PROSER3: variants seen among roughly 807,000 people sequenced by gnomAD.
PROSER3 encodes proline and serine rich 3, also known as proline and serine-rich protein 3.
Under a neutral mutation model 50.2 loss-of-function variants are expected in PROSER3, and 33 were observed. The observed-to-expected ratio is 0.66, with a 90% confidence interval of 0.50 to 0.88. The LOEUF (loss-of-function observed/expected upper bound fraction) is 0.88, where lower values mean the gene tolerates loss of function less well. Ranked by LOEUF, PROSER3 falls within the 40% of genes least tolerant of loss-of-function variation. The probability of loss-of-function intolerance (pLI) is 0.00; values close to 1 mark genes in which losing one functional copy is unlikely to be tolerated. For synonymous variants in PROSER3, 266 were observed against 259.3 expected (o/e 1.03, Z -0.25); for missense variants, 623 against 612.7 (o/e 1.02, Z -0.18).
chr19:35,768,274 G>T (rs1296486738), intron 10 of PROSER3, 38 bp downstream of exon 10: 2 of 1,595,310 alleles, frequency 1.3e-6, no homozygotes, highest in Non-Finnish European at 8.5e-7. Context: ...ATGACACTGG[G>T]CCCCGGAGAC....
At chr19:35,767,734 G>T in intron 8 of PROSER3, 1 of 1,537,808 alleles carries the variant, frequency 6.5e-7, no homozygotes, top group Non-Finnish European at 8.8e-7. Context: ...CTGGATCTCC[G>T]AAAGTCCAGG....
At position 35,764,933 on chromosome 19, in the gene PROSER3, G is replaced by T. The variant is rs748855164; in HGVS notation, c.623G>T (p.Arg208Leu). 19 of 1,613,544 alleles carry T rather than the reference G, an allele frequency of 1.2e-5. No homozygotes were observed. The South Asian group carries it at 2.0e-4, about 17-fold the overall frequency. The change falls in exon 6 of 11, where the codon CGC (arginine) becomes CTC (leucine). Residue 208 changes from arginine (R) to leucine (L), a missense_variant. Arg to Leu is a moderately radical substitution (Grantham distance 102). Transcript: ENST00000396908. The stretch of plus-strand genomic sequence containing the variant: ...AGCAGAGCTGCCAGGCTGCTCAAAC[G>T]CAGGTGCCCGCACCCCTGCCCCCAT...
chr19:35,770,030 T>A (rs1971291522), downstream of PROSER3, among the ~76,000 whole-genome samples: 1 of 151,950 alleles, frequency 6.6e-6, no homozygotes, highest in African/African-American at 2.4e-5. Context: ...TCAGCCTCCC[T>A]AGTAGCTGGG....
downstream of PROSER3, chr19:35,769,727 C>CTTTAT (rs1328587946): frequency 6.6e-6 from 1 of 152,246 alleles, no homozygotes; most frequent in Non-Finnish European, 1.5e-5. Context: ...CCATCTCCGC[C>CTTTAT]TTTATTTTAT....
At chr19:35,762,049 C>A in exon 4 of PROSER3, 1 of 1,610,438 alleles carries the variant, frequency 6.2e-7, no homozygotes, top group Non-Finnish European at 8.5e-7. Context: ...AGGCTCAGCC[C>A]ACCAGTCGAG....
chr19:35,768,723 G>A (rs1220697726), exon 11 of PROSER3: 34 of 609,036 alleles, frequency 5.6e-5, no homozygotes, highest in East Asian at 1.0e-4. Context: ...TCCTGACCAC[G>A]GAAACAAGAT....
intron 8 of PROSER3, chr19:35,767,487 TC>T: frequency 2.8e-6 from 1 of 355,882 alleles, no homozygotes. Flanking sequence ...TCCCCAGCTG[TC>T]CCCCAGGGCC....
chr19:35,758,256 A>G (rs778818381), intron 1 of PROSER3, 30 bp downstream of exon 1: 46 of 1,560,340 alleles, frequency 2.9e-5, no homozygotes, highest in Non-Finnish European at 4.0e-5. Context: ...CAGGGACTAC[A>G]GGAGGCTGGG....
At chr19:35,759,517 A>C in intron 2 of PROSER3, 47 bp downstream of exon 2, 1 of 1,505,408 alleles carries the variant, frequency 6.6e-7, no homozygotes, top group South Asian at 1.2e-5. Flanking sequence ...CAGTAGCAAG[A>C]GAATGACCTT....
intron 2 of PROSER3, 46 bp downstream of exon 2, chr19:35,759,516 G>A (rs936455880): frequency 4.0e-6 from 6 of 1,507,838 alleles, no homozygotes; most frequent in South Asian, 1.2e-5. Context: ...CCAGTAGCAA[G>A]AGAATGACCT....
chr19:35,768,388 C>A lies in PROSER3; in HGVS notation c.1302-16C>A, dbSNP rs768332673. The A allele has an allele frequency of 6.3e-7, 1 of 1,593,236 alleles. No homozygotes were observed. Among genetic ancestry groups the A allele is most frequent in the African/African-American group, 1.3e-5 (1 of 74,734 alleles). ...GAGCACATACCCCAGCCTCTGCTCTCCCGGCCTTTCTCCAGGGAAGCGGAT... is the reference window on the plus strand; with the variant it reads ...GAGCACATACCCCAGCCTCTGCTCTACCGGCCTTTCTCCAGGGAAGCGGAT... On this transcript the variant is annotated splice_polypyrimidine_tract_variant and intron_variant, in intron 10 of 10. Coordinates refer to ENST00000396908, the Ensembl canonical transcript of PROSER3.
exon 7 of PROSER3, chr19:35,765,115 C>G: frequency 6.2e-7 from 1 of 1,613,996 alleles, no homozygotes; most frequent in Non-Finnish European, 8.5e-7. Flanking sequence ...CTGATGGCCT[C>G]TCTCCCTTCT....
rs1568411823 is a variant in PROSER3 at position 35,765,018 on chromosome 19, T to C, written c.627-16T>C. ...CTCGAGACCTCCATTGCCTCACTCCTGCCTTCTCCCTGCAGCAAAGCCTCC... is the reference window on the plus strand; with the variant it reads ...CTCGAGACCTCCATTGCCTCACTCCCGCCTTCTCCCTGCAGCAAAGCCTCC... On this transcript the variant is annotated splice_polypyrimidine_tract_variant and intron_variant, in intron 6 of 10. Coordinates refer to ENST00000396908, the Ensembl canonical transcript of PROSER3. 2 of 1,613,232 alleles carry C rather than the reference T, an allele frequency of 1.2e-6. No homozygotes were observed.
exon 10 of PROSER3, chr19:35,768,234 A>G (rs750288330): frequency 1.2e-6 from 2 of 1,611,358 alleles, no homozygotes; most frequent in African/African-American, 1.3e-5. Flanking sequence ...GTCGGCAGAA[A>G]AGGTGACCGA....
At chr19:35,765,156 G>T in exon 7 of PROSER3, 1 of 1,613,564 alleles carries the variant, frequency 6.2e-7, no homozygotes. Flanking sequence ...TCCAGCAAGG[G>T]CCTTGGCCCC....
intron 3 of PROSER3, among the ~76,000 whole-genome samples, chr19:35,760,637 C>G (rs1039921950): frequency 2.0e-5 from 3 of 152,122 alleles, no homozygotes; most frequent in East Asian, 3.8e-4. Flanking sequence ...AGGTGCCCAC[C>G]ACCACACCTG....
chr19:35,759,909 T>G (rs1970900744), exon 3 of PROSER3: 3 of 1,603,406 alleles, frequency 1.9e-6, no homozygotes, highest in African/African-American at 2.7e-5. Context: ...AGGGACCCCC[T>G]CCCTGCCCAG....
intron 4 of PROSER3, 22 bp downstream of exon 4, chr19:35,762,168 A>T: frequency 6.3e-7 from 1 of 1,589,720 alleles, no homozygotes. Flanking sequence ...AGTGCCATCC[A>T]CTACTCCCAC....
Position 35,766,414 on chromosome 19 carries a change from C to T in PROSER3, c.770-354C>T, listed in dbSNP as rs569071510. The stretch of plus-strand genomic sequence containing the variant: ...AATAAAAATTACCCCCGTGTGGTGG[C>T]ACACGCCTTTTGTCCCAGCTACTCA... On this transcript the variant is annotated intron_variant, in intron 7 of 10. Coordinates refer to ENST00000396908, the Ensembl canonical transcript of PROSER3. 2.0e-5 allele frequency among the ~76,000 whole-genome samples: 3 copies of T among 152,204 alleles called. No individual in the cohort carries two copies. The South Asian group carries it at 6.2e-4, about 32-fold the overall frequency.
Sources: gnomAD v4.1 joint callset for allele counts (sites outside exome capture counted in the v4.1 genomes callset) on GRCh38, gnomAD v4.1.1 for gene constraint, MANE v1.5 for transcripts, NCBI Gene and HGNC (gene_info 2026-07-23, HGNC 2026-07-21) for gene names.